UBE2O: variants seen among roughly 807,000 people sequenced by gnomAD.
The protein encoded by UBE2O is (E3-independent) E2 ubiquitin-conjugating enzyme.
In UBE2O, 15 loss-of-function variants were observed where a neutral mutation model predicts 125.8. The ratio of observed to expected loss-of-function variants is 0.12; its 90% CI spans 0.08 to 0.18. The LOEUF (loss-of-function observed/expected upper bound fraction) is 0.18, where lower values mean the gene tolerates loss of function less well. Ranked by LOEUF, UBE2O falls within the 10% of genes least tolerant of loss-of-function variation. The pLI, the probability that UBE2O is intolerant of heterozygous loss-of-function variation, is 1.00. For missense variants in UBE2O, 1,280 were observed against 1,723.6 expected (o/e 0.74, Z 4.56); for synonymous variants, 708 against 703.2 (o/e 1.01, Z -0.11).
chr17:76,394,194 G>A (rs994527410), intron 15 of UBE2O, among the ~76,000 whole-genome samples: 1 of 152,168 alleles, frequency 6.6e-6, no homozygotes, highest in Non-Finnish European at 1.5e-5. Context: ...TCGCTTGGCT[G>A]CTCTCAGGAT....
At chr17:76,420,238 T>C (rs946506935) in intron 1 of UBE2O, among the ~76,000 whole-genome samples, 1 of 152,028 alleles carries the variant, frequency 6.6e-6, no homozygotes, top group Non-Finnish European at 1.5e-5. Flanking sequence ...AATGCAAATA[T>C]GGTAGGAAAA....
Position 76,402,596 on chromosome 17 carries a change from C to G in UBE2O, c.686+6G>C. On this transcript the variant is annotated splice_donor_region_variant and intron_variant, in intron 4 of 17. Transcript: ENST00000319380. This position sits in a 1 kb window ranked among gnomAD's most constrained non-coding sequence, Gnocchi z 5.4. ...AGCCGATGGCTCTCTGGTGGTGAGA[C>G]TCTACCTGGCGCCGTTGGATAGCTT... 6.2e-7 allele frequency: 1 copy of G among 1,613,536 alleles called. No individual in the cohort carries two copies. Among genetic ancestry groups the G allele is most frequent in the Non-Finnish European group, 8.5e-7 (1 of 1,179,484 alleles).
Position 76,391,017 on chromosome 17 carries a change from T to C in UBE2O, c.3805A>G (p.Ile1269Val), listed in dbSNP as rs749923110. 1 of 1,613,886 alleles carries C rather than the reference T, an allele frequency of 6.2e-7. No individual in the cohort carries two copies. The highest frequency in any genetic ancestry group is 8.5e-7 in the Non-Finnish European group (1 of 1,180,006). ...FPLSKGFIKSIRGVLTQFRAA... is the reference protein window; with the variant it reads ...FPLSKGFIKSVRGVLTQFRAA... ...CGGAACTGCGTCAGGACACCCCGGA[T>C]GCTCTTGATGAAACCCTTGGAAAGT... Residue 1269 changes from isoleucine to valine, a missense_variant, in exon 18 of 18, where the codon ATC (isoleucine) becomes GTC (valine). Physicochemically the swap from Ile to Val is conservative, Grantham distance 29 (BLOSUM62 3). Transcript: ENST00000319380. The surrounding 1 kb of genome is among the most constrained non-coding windows in gnomAD (Gnocchi z 8.4).
At position 76,402,778 on chromosome 17, in the gene UBE2O, C is replaced by A. The variant is rs1165607213; in HGVS notation, c.589-79G>T. ...AGGGCACAGATTCCTCTATGCCCCA[C>A]CGAAGACAGGATGGGGGAGGATCTA... On this transcript the variant is annotated intron_variant, in intron 3 of 17. Coordinates refer to ENST00000319380, the MANE Select transcript of UBE2O (RefSeq NM_022066.4). The surrounding 1 kb of genome is among the most constrained non-coding windows in gnomAD (Gnocchi z 5.4). 1.2e-5 allele frequency: 15 copies of A among 1,206,464 alleles called. No homozygotes were observed. Among genetic ancestry groups the A allele is most frequent in the Non-Finnish European group, 1.7e-5 (14 of 812,136 alleles). 74.7% of individuals were successfully genotyped at this position (1,206,464 alleles called of 1,614,324 possible).
chr17:76,418,326 G>C (rs2072649721), intron 1 of UBE2O, among the ~76,000 whole-genome samples: 1 of 152,190 alleles, frequency 6.6e-6, no homozygotes, highest in Non-Finnish European at 1.5e-5. Context: ...CACAATTCCT[G>C]AAAGTAACAG....
chr17:76,399,419 C>A lies in UBE2O; in HGVS notation c.1628+30G>T. ...ACTCTGCCTGGCTTCACGCTGACGC[C>A]ATTGGGGAGGGGCACAACTCTGAGT... On this transcript the variant is annotated intron_variant, in intron 9 of 17. Transcript: ENST00000319380. This position sits in a 1 kb window ranked among gnomAD's most constrained non-coding sequence, Gnocchi z 6.9. 6.2e-7 allele frequency: 1 copy of A among 1,603,250 alleles called. No homozygotes were observed. The highest frequency in any genetic ancestry group is 8.5e-7 in the Non-Finnish European group (1 of 1,172,112).
chr17:76,426,806 T>A (rs1474726121), intron 1 of UBE2O, among the ~76,000 whole-genome samples: 1 of 152,208 alleles, frequency 6.6e-6, no homozygotes, highest in Non-Finnish European at 1.5e-5. Flanking sequence ...CTTATTCAGA[T>A]TTACCTGCAC....
chr17:76,403,051 A>C (rs936314391), intron 3 of UBE2O, among the ~76,000 whole-genome samples: 7 of 152,150 alleles, frequency 4.6e-5, no homozygotes, highest in African/African-American at 1.7e-4. Flanking sequence ...TGGCAGGCAG[A>C]GGAGGCAGCC....
At chr17:76,449,500 G>A (rs930749183) in intron 1 of UBE2O, among the ~76,000 whole-genome samples, 3 of 152,170 alleles carry the variant, frequency 2.0e-5, no homozygotes, top group Admixed American at 6.5e-5. Context: ...ACTTGAACCC[G>A]GGAAGTTGAG....
chr17:76,394,944 T>TG (rs2072179285), intron 15 of UBE2O, among the ~76,000 whole-genome samples: 1 of 151,846 alleles, frequency 6.6e-6, no homozygotes, highest in Admixed American at 6.6e-5. Context: ...GGTGCGATCT[T>TG]GGCTCACTAC....
Position 76,425,310 on chromosome 17 carries a change from A to G in UBE2O, c.418-19738T>C, listed in dbSNP as rs2072794314. Among the ~76,000 whole-genome samples, 3 of 150,234 alleles carry G rather than the reference A, an allele frequency of 2.0e-5. No homozygotes were observed. The Admixed American group carries it at 2.0e-4, about 10-fold the overall frequency. On this transcript the variant is annotated intron_variant, in intron 1 of 17. Coordinates refer to ENST00000319380, the MANE Select transcript of UBE2O (RefSeq NM_022066.4). Reference sequence around the variant, plus strand: ...AAAGGACCTACTTGGCTCATATTGTATTTTTTTAAATAATAGTTTAGCTTA... The same window carrying G: ...AAAGGACCTACTTGGCTCATATTGTGTTTTTTTAAATAATAGTTTAGCTTA...
At chr17:76,401,967 C>G (rs748804237) in intron 5 of UBE2O, 97 bp downstream of exon 5, 11 of 1,302,402 alleles carry the variant, frequency 8.4e-6, no homozygotes, top group Non-Finnish European at 1.2e-5. Flanking sequence ...TCTAGGAAAC[C>G]GCTCTGTTTA....
intron 1 of UBE2O, among the ~76,000 whole-genome samples, chr17:76,445,663 T>A (rs552874916): frequency 1.4e-4 from 21 of 152,288 alleles, no homozygotes; most frequent in Admixed American, 2.6e-4. Flanking sequence ...AAATCCTCAA[T>A]CACAGAGTAT....
At chr17:76,431,684 T>C (rs950709394) in intron 1 of UBE2O, among the ~76,000 whole-genome samples, 3 of 152,108 alleles carry the variant, frequency 2.0e-5, no homozygotes, top group African/African-American at 7.2e-5. Flanking sequence ...GGCTCACACC[T>C]GTAATCCCAG....
At chr17:76,440,296 G>A (rs960452699) in intron 1 of UBE2O, among the ~76,000 whole-genome samples, 2 of 152,100 alleles carry the variant, frequency 1.3e-5, no homozygotes, top group South Asian at 4.1e-4. Flanking sequence ...ATTGGGTTAA[G>A]TAAAATATAT....
Position 76,391,007 on chromosome 17 carries a change from A to C in UBE2O, c.3815T>G (p.Val1272Gly). ...CAGGGCAGCCCGGAACTGCGTCAGG[A>C]CACCCCGGATGCTCTTGATGAAACC... Reference protein sequence around the residue: ...SKGFIKSIRGVLTQFRAALLE... With the variant: ...SKGFIKSIRGGLTQFRAALLE... Residue 1272 changes from valine (V) to glycine (G), a missense_variant, in exon 18 of 18, where the codon GTC becomes GGC. Val to Gly is a moderately radical substitution (Grantham distance 109). Coordinates refer to ENST00000319380, the MANE Select transcript of UBE2O (RefSeq NM_022066.4). The surrounding 1 kb of genome is among the most constrained non-coding windows in gnomAD (Gnocchi z 8.4). 1 of 1,613,772 alleles carries C rather than the reference A, an allele frequency of 6.2e-7. No individual in the cohort carries two copies. The highest frequency in any genetic ancestry group is 8.5e-7 in the Non-Finnish European group (1 of 1,179,984).
intron 1 of UBE2O, among the ~76,000 whole-genome samples, chr17:76,451,856 G>A (rs2073250928): frequency 6.6e-6 from 1 of 151,960 alleles, no homozygotes; most frequent in African/African-American, 2.4e-5. Context: ...AACCAACCCG[G>A]GTTCAAGGTT....
Position 76,391,675 on chromosome 17 carries a change from C to T in UBE2O, c.3209-62G>A. 1 of 1,603,442 alleles carries T rather than the reference C, an allele frequency of 6.2e-7. No individual in the cohort carries two copies. On this transcript the variant is annotated intron_variant, in intron 17 of 17. Coordinates refer to ENST00000319380, the MANE Select transcript of UBE2O (RefSeq NM_022066.4). The surrounding 1 kb of genome is among the most constrained non-coding windows in gnomAD (Gnocchi z 8.4). ...GAGGCCCACAATGCAGGCCTACCCT[C>T]CACCTGCCAGGGGGACTATCAGAGT...
At chr17:76,449,876 C>G (rs992966976) in intron 1 of UBE2O, among the ~76,000 whole-genome samples, 7 of 151,358 alleles carry the variant, frequency 4.6e-5, no homozygotes, top group Admixed American at 2.0e-4. Flanking sequence ...GCCGAGCTGG[C>G]GCCATTGCAC....
Sources: allele counts gnomAD v4.1 joint callset (sites outside exome capture counted in the v4.1 genomes callset), GRCh38; gene constraint gnomAD v4.1.1; non-coding constraint Gnocchi (gnomAD v3.1); transcripts MANE v1.5; gene names NCBI Gene and HGNC (gene_info 2026-07-23, HGNC 2026-07-21).